WWTR1: variants seen among roughly 807,000 people sequenced by gnomAD.
WWTR1 encodes WW domain containing transcription regulator 1, also known as WW domain-containing transcription regulator protein 1.
In WWTR1, 13 loss-of-function variants were observed where a neutral mutation model predicts 40.1. The ratio of observed to expected loss-of-function variants is 0.32; its 90% CI spans 0.21 to 0.52. The LOEUF (loss-of-function observed/expected upper bound fraction) is 0.52, where lower values mean the gene tolerates loss of function less well. WWTR1 is among the 20% of genes least tolerant of loss of function. The pLI, the probability that WWTR1 is intolerant of heterozygous loss-of-function variation, is 0.97. For synonymous variants in WWTR1, 230 were observed against 210.1 expected (o/e 1.09, Z -0.82); for missense variants, 436 against 523.1 (o/e 0.83, Z 1.63).
intron 4 of WWTR1, chr3:149,540,256 G>T (rs934301591): frequency 3.3e-5 from 15 of 456,508 alleles, no homozygotes; most frequent in Non-Finnish European, 5.7e-5. Context: ...AGCCTCCAAG[G>T]ATCAGCATTT....
At chr3:149,572,260 A>G (rs1737670011) in intron 3 of WWTR1, among the ~76,000 whole-genome samples, 1 of 152,088 alleles carries the variant, frequency 6.6e-6, no homozygotes, top group Non-Finnish European at 1.5e-5. Flanking sequence ...AGCACTTGGC[A>G]TGCTATCTGA....
At chr3:149,671,699 G>T (rs556997119) in intron 1 of WWTR1, among the ~76,000 whole-genome samples, 1 of 151,990 alleles carries the variant, frequency 6.6e-6, no homozygotes, top group South Asian at 2.1e-4. Context: ...CTACAAATGA[G>T]CTCTTTTTTA....
intron 2 of WWTR1, among the ~76,000 whole-genome samples, chr3:149,634,024 G>A (rs1293550083): frequency 6.6e-6 from 1 of 152,174 alleles, no homozygotes; most frequent in African/African-American, 2.4e-5. Flanking sequence ...CTAGTGTGCT[G>A]CAGTCTACAA....
chr3:149,650,779 G>A (rs145177752), intron 2 of WWTR1, among the ~76,000 whole-genome samples: 1 of 152,336 alleles, frequency 6.6e-6, no homozygotes, highest in Non-Finnish European at 1.5e-5. Context: ...AAGCAAAAGG[G>A]CACTTACAGT....
chr3:149,661,408 A>C (rs1199788864), upstream of WWTR1: 1 of 144,550 alleles, frequency 6.9e-6, no homozygotes. Context: ...TCTAAGAATA[A>C]AAAGTTGCAA....
chr3:149,639,321 A>G (rs1712019652), intron 2 of WWTR1, among the ~76,000 whole-genome samples: 1 of 152,120 alleles, frequency 6.6e-6, no homozygotes, highest in African/African-American at 2.4e-5. Flanking sequence ...CCCTTGCCTC[A>G]GCCTCCCAAG....
chr3:149,639,362 C>T (rs771356858), intron 2 of WWTR1, among the ~76,000 whole-genome samples: 10 of 151,988 alleles, frequency 6.6e-5, no homozygotes, highest in South Asian at 2.1e-4. Flanking sequence ...TGCACCACCA[C>T]ATTCTGTTAA....
chr3:149,657,402 G>A lies in WWTR1; in HGVS notation c.-3-93C>T, dbSNP rs187340241. On this transcript the variant is annotated intron_variant, in intron 1 of 6. Coordinates refer to ENST00000360632, the MANE Select transcript of WWTR1 (RefSeq NM_015472.6). ...TGAGAGGGCGAGATGGTGGGAGAAA[G>A]AATAGAGGGAAAAGGAAACGAGGAG... 3.4e-5 allele frequency: 47 copies of A among 1,376,250 alleles called. No homozygotes were observed. The African/African-American group carries it at 6.2e-4, about 18-fold the overall frequency. The allele number at this position is 1,376,250 out of a possible 1,614,324, so 85.3% of individuals were successfully genotyped here.
chr3:149,696,112 C>CAAAAA (rs368629673), intron 1 of WWTR1, among the ~76,000 whole-genome samples: 13 of 77,110 alleles, frequency 1.7e-4, no homozygotes, highest in Non-Finnish European at 2.6e-4. Flanking sequence ...GACTCTGTCT[C>CAAAAA]AAAAAAAAAA....
chr3:149,618,612 G>C (rs1236795567), intron 2 of WWTR1, among the ~76,000 whole-genome samples: 1 of 152,222 alleles, frequency 6.6e-6, no homozygotes, highest in Non-Finnish European at 1.5e-5. Context: ...GAAAAAGAGA[G>C]AGAGAAAGAT....
intron 5 of WWTR1, among the ~76,000 whole-genome samples, chr3:149,711,694 G>A (rs1222861126): frequency 6.6e-6 from 1 of 152,148 alleles, no homozygotes; most frequent in Non-Finnish European, 1.5e-5. Context: ...TTTATCAGCA[G>A]ATTCAATTGC....
At chr3:149,565,047 G>C (rs1336597010) in intron 3 of WWTR1, among the ~76,000 whole-genome samples, 1 of 152,044 alleles carries the variant, frequency 6.6e-6, no homozygotes, top group Non-Finnish European at 1.5e-5. Context: ...AATTGGCTGG[G>C]TGTGGTGGTG....
intron 1 of WWTR1, among the ~76,000 whole-genome samples, chr3:149,693,488 T>G (rs1315951719): frequency 6.6e-6 from 1 of 151,322 alleles, no homozygotes; most frequent in Non-Finnish European, 1.5e-5. Context: ...AATCCTAAAA[T>G]GTATATGGAA....
intron 2 of WWTR1, among the ~76,000 whole-genome samples, chr3:149,575,407 G>C (rs1333713849): frequency 6.6e-6 from 1 of 152,112 alleles, no homozygotes; most frequent in Non-Finnish European, 1.5e-5. Context: ...TTCTATTAAA[G>C]CAGCATGTTT....
chr3:149,580,372 G>C (rs1304312030), intron 2 of WWTR1, among the ~76,000 whole-genome samples: 1 of 152,150 alleles, frequency 6.6e-6, no homozygotes, highest in Non-Finnish European at 1.5e-5. Flanking sequence ...ACTTTCTCCA[G>C]GTAGTCCCTC....
chr3:149,667,683 G>A (rs912133713), intron 2 of WWTR1, among the ~76,000 whole-genome samples: 1 of 152,142 alleles, frequency 6.6e-6, no homozygotes, highest in Non-Finnish European at 1.5e-5. Flanking sequence ...TTCTAGACTT[G>A]GAGGTATCAC....
chr3:149,588,604 C>G (rs551341745), intron 2 of WWTR1, among the ~76,000 whole-genome samples: 1 of 152,082 alleles, frequency 6.6e-6, no homozygotes, highest in Admixed American at 6.5e-5. Context: ...AACATAATCC[C>G]GTTTTGGTAA....
chr3:149,614,042 G>A (rs892273178), intron 2 of WWTR1, among the ~76,000 whole-genome samples: 1 of 152,194 alleles, frequency 6.6e-6, no homozygotes, highest in African/African-American at 2.4e-5. Context: ...GCTTCCAAAT[G>A]TGTTCTTGCT....
At chr3:149,616,376 C>A (rs945925014) in intron 2 of WWTR1, among the ~76,000 whole-genome samples, 7 of 152,112 alleles carry the variant, frequency 4.6e-5, no homozygotes, top group Admixed American at 3.9e-4. Flanking sequence ...AATGAAATCC[C>A]CTGGCTAGAA....
Sources: allele counts gnomAD v4.1 joint callset (sites outside exome capture counted in the v4.1 genomes callset), GRCh38; gene constraint gnomAD v4.1.1; transcripts MANE v1.5; gene names NCBI Gene and HGNC (gene_info 2026-07-23, HGNC 2026-07-21).